FBXO3: variants seen among roughly 807,000 people sequenced by gnomAD.
FBXO3 encodes the protein F-box only protein 3.
In FBXO3, 17 loss-of-function variants were observed where a neutral mutation model predicts 64.8. The ratio of observed to expected loss-of-function variants is 0.26; its 90% CI spans 0.18 to 0.39. The LOEUF is 0.39. Among genes scored for constraint, FBXO3 ranks in the 10% least tolerant of loss-of-function variants. FBXO3 has a pLI of 1.00. For synonymous variants in FBXO3, 182 were observed against 201.6 expected, an observed-to-expected ratio of 0.90 and a Z score of 0.82; for missense variants, 420 against 589.9, an observed-to-expected ratio of 0.71 and a Z score of 2.98.
chr11:33,770,142 TC>T (rs1347976498), intron 2 of FBXO3, among the ~76,000 whole-genome samples: 2 of 152,134 alleles, frequency 1.3e-5, no homozygotes, highest in Non-Finnish European at 2.9e-5. Context: ...TACTTAAAAT[TC>T]CCCTTACCCT....
At chr11:33,760,585 C>T (rs145630783) in intron 3 of FBXO3, among the ~76,000 whole-genome samples, 2,527 of 151,996 alleles carry the variant, frequency 0.017, 35 homozygotes, top group Non-Finnish European at 0.027. Context: ...TTGGAGGCTG[C>T]AATGGGCTAT....
chr11:33,746,483 C>A, intron 10 of FBXO3: 1 of 514,586 alleles, frequency 1.9e-6, no homozygotes, highest in Admixed American at 3.2e-5. Context: ...CCATCAGGGT[C>A]ATTCCAGAAG....
intron 3 of FBXO3, among the ~76,000 whole-genome samples, chr11:33,761,456 G>C (rs755737208): frequency 6.6e-6 from 1 of 152,214 alleles, no homozygotes; most frequent in Non-Finnish European, 1.5e-5. Flanking sequence ...AGGACTTTTC[G>C]TAATAACAAA....
rs1854883435 is a variant in FBXO3 at position 33,748,900 on chromosome 11, A to T, written c.933-8T>A. The T allele has an allele frequency of 6.3e-7, 1 of 1,589,990 alleles. No individual in the cohort carries two copies. The highest frequency in any genetic ancestry group is 1.3e-5 in the African/African-American group (1 of 74,436). On this transcript the variant is annotated splice_region_variant and splice_polypyrimidine_tract_variant and intron_variant, in intron 8 of 10. Coordinates refer to ENST00000265651, the MANE Select transcript of FBXO3 (RefSeq NM_012175.4). The stretch of plus-strand genomic sequence containing the variant: ...TCTTTTGACATTTCAATCCTAGAGA[A>T]GGGAATGGGGTGGTAGAGACAAAAA...
intron 10 of FBXO3, chr11:33,744,785 C>A (rs756422655): frequency 5.9e-5 from 9 of 152,112 alleles, no homozygotes; most frequent in Admixed American, 1.3e-4. Flanking sequence ...TTATTATTGT[C>A]ATTTGAAAAG....
chr11:33,764,780 C>A (rs1369869213), intron 3 of FBXO3, among the ~76,000 whole-genome samples: 1 of 152,096 alleles, frequency 6.6e-6, no homozygotes, highest in African/African-American at 2.4e-5. Context: ...TCAAGACCAG[C>A]CTGGCCAACA....
At chr11:33,765,237 A>C (rs1855338939) in intron 3 of FBXO3, among the ~76,000 whole-genome samples, 1 of 152,226 alleles carries the variant, frequency 6.6e-6, no homozygotes, top group South Asian at 2.1e-4. Flanking sequence ...TGAGGGGTGT[A>C]TAGAACTCTC....
Position 33,741,754 on chromosome 11 carries a change from T to G in FBXO3, c.*154A>C. 1 of 631,918 alleles carries G rather than the reference T, an allele frequency of 1.6e-6. No homozygotes were observed. The allele number at this position is 631,918 out of a possible 1,614,324, so 39.1% of individuals were successfully genotyped here. On this transcript the variant is annotated 3_prime_UTR_variant, in exon 11 of 11. Transcript: ENST00000265651. Reference sequence around the variant, plus strand: ...ACAAAGCAAACCCAAACAATCCAATTCCTAATGTAGTGTCACATAGAACCC... The same window carrying G: ...ACAAAGCAAACCCAAACAATCCAATGCCTAATGTAGTGTCACATAGAACCC...
intron 9 of FBXO3, among the ~76,000 whole-genome samples, 170 bp from the exon 10 acceptor site, chr11:33,747,490 G>T (rs1854843843): frequency 6.6e-6 from 1 of 151,582 alleles, no homozygotes; most frequent in Non-Finnish European, 1.5e-5. Flanking sequence ...ATAGGACAAT[G>T]AGTAGGTATT....
intron 3 of FBXO3, among the ~76,000 whole-genome samples, chr11:33,764,985 A>G (rs1396329524): frequency 6.6e-6 from 1 of 152,108 alleles, no homozygotes; most frequent in Non-Finnish European, 1.5e-5. Context: ...AAACAAACAA[A>G]CAAAAAAAAC....
At chr11:33,773,137 A>G (rs776010267) in intron 1 of FBXO3, 1 of 152,212 alleles carries the variant, frequency 6.6e-6, no homozygotes, top group Non-Finnish European at 1.5e-5. Flanking sequence ...AGAGCTTTCA[A>G]TGCCCCAGAA....
chr11:33,744,655 C>T (rs1854769933), intron 10 of FBXO3: 1 of 152,048 alleles, frequency 6.6e-6, no homozygotes, highest in African/African-American at 2.4e-5. Flanking sequence ...ATTTCTCATC[C>T]TTGAGAGAAA....
intron 5 of FBXO3, among the ~76,000 whole-genome samples, chr11:33,755,122 T>C (rs1855064132): frequency 6.6e-6 from 1 of 152,108 alleles, no homozygotes; most frequent in African/African-American, 2.4e-5. Flanking sequence ...TCCACCCGCC[T>C]CAGCCTCCCA....
intron 6 of FBXO3, among the ~76,000 whole-genome samples, chr11:33,752,161 A>G (rs2133600404): frequency 6.6e-6 from 1 of 152,322 alleles, no homozygotes; most frequent in South Asian, 2.1e-4. Context: ...ACTACTATAG[A>G]TTTAATTGCA....
At chr11:33,771,755 T>A (rs1855516861) in intron 1 of FBXO3, 1 of 152,250 alleles carries the variant, frequency 6.6e-6, no homozygotes, top group Admixed American at 6.5e-5. Flanking sequence ...CATCCTTTTC[T>A]GCCAAGCTCA....
At chr11:33,745,369 T>C (rs1854789928) in intron 10 of FBXO3, 1 of 151,084 alleles carries the variant, frequency 6.6e-6, no homozygotes, top group African/African-American at 2.4e-5. Context: ...CTATCATTTA[T>C]AGAGTAATAT....
In FBXO3 at chr11:33,770,756, T is replaced by C. The variant is rs1298320087; in HGVS notation, c.179A>G (p.Tyr60Cys). ...GAATACTCACTCAGATATCAGCCAG[T>C]ATTTTTTGCAATGTCTTCTCCACAG... ...DPLWRRHCKK[Y>C]WLISEEEKTQ... The change falls in exon 2 of 11, where the codon TAC (tyrosine) becomes TGC (cysteine). Residue 60 changes from tyrosine to cysteine, a missense_variant. This residue lies in a region of FBXO3 where 337 missense variants were observed against 518.4 expected (regional missense o/e 0.65). Coordinates refer to ENST00000265651, the MANE Select transcript of FBXO3 (RefSeq NM_012175.4). The C allele has an allele frequency of 6.2e-7, 1 of 1,611,128 alleles. No homozygotes were observed. The highest frequency in any genetic ancestry group is 2.2e-5 in the East Asian group (1 of 44,880).
chr11:33,764,227 A>G (rs562416033), intron 3 of FBXO3, among the ~76,000 whole-genome samples: 11 of 152,358 alleles, frequency 7.2e-5, no homozygotes, highest in African/African-American at 2.4e-4. Flanking sequence ...TGAATCTCAC[A>G]AAGTAGAAAT....
At chr11:33,748,611 C>A (rs899345987) in intron 9 of FBXO3, among the ~76,000 whole-genome samples, 166 bp downstream of exon 9, 2 of 152,128 alleles carry the variant, frequency 1.3e-5, no homozygotes, top group Admixed American at 6.5e-5. Flanking sequence ...AAAGGGAAAT[C>A]AATCCCTGAA....
Sources: gnomAD v4.1 joint callset for allele counts (sites outside exome capture counted in the v4.1 genomes callset) on GRCh38, gnomAD v4.1.1 for gene constraint, gnomAD v4.1.1 regional missense constraint, MANE v1.5 for transcripts, NCBI Gene and HGNC (gene_info 2026-07-23, HGNC 2026-07-21) for gene names.